Variants in REXO5 observed in about 807,000 individuals in gnomAD.
The protein encoded by REXO5 is RNA exonuclease 5, also known as exonuclease NEF-sp.
Under a neutral mutation model 88.5 loss-of-function variants are expected in REXO5, and 48 were observed. The ratio of observed to expected loss-of-function variants is 0.54; its 90% CI spans 0.43 to 0.69. The LOEUF (loss-of-function observed/expected upper bound fraction) is 0.69, where lower values mean the gene tolerates loss of function less well. Ranked by LOEUF, REXO5 falls within the 30% of genes least tolerant of loss-of-function variation. REXO5 has a pLI of 0.00. For missense variants in REXO5, 749 were observed against 912.2 expected, an observed-to-expected ratio of 0.82 and a Z score of 2.30; for synonymous variants, 311 against 336.5, an observed-to-expected ratio of 0.92 and a Z score of 0.83.
In REXO5 at chr16:20,807,047, A is replaced by G; in HGVS notation, c.94A>G (p.Met32Val). ...TAAGCTGGTCGGGGCAGCTGAGGCG[A>G]TGAAAGCCGGTTGGGATCTCGAGGA... ...PNKLVGAAEA[M>V]KAGWDLEESQ... is the part of the protein sequence containing the mutation. Residue 32 changes from methionine (M) to valine (V), a missense_variant, in exon 2 of 20, where the codon ATG becomes GTG. By Grantham distance (21) the Met-to-Val change is conservative (BLOSUM62 1). Transcript: ENST00000261377. 6.2e-7 allele frequency: 1 copy of G among 1,604,814 alleles called. No individual in the cohort carries two copies. The highest frequency in any genetic ancestry group is 8.5e-7 in the Non-Finnish European group (1 of 1,176,496).
chr16:20,837,060 C>G (rs1315851632), intron 13 of REXO5, among the ~76,000 whole-genome samples: 1 of 152,104 alleles, frequency 6.6e-6, no homozygotes, highest in Non-Finnish European at 1.5e-5. Flanking sequence ...AATATTTTCT[C>G]CCAGTCTGGC....
At chr16:20,836,344 G>C (rs1199036995) in intron 13 of REXO5, among the ~76,000 whole-genome samples, 2 of 151,804 alleles carry the variant, frequency 1.3e-5, no homozygotes, top group African/African-American at 4.8e-5. Context: ...CCATAATTTT[G>C]CCTGTTTTAG....
chr16:20,828,452 C>G lies in REXO5; in HGVS notation c.1073C>G (p.Pro358Arg), dbSNP rs781125691. Residue 358 changes from proline to arginine, a missense_variant, in exon 11 of 20, where the codon CCA becomes CGA. Pro to Arg is a moderately radical substitution (Grantham distance 103, BLOSUM62 -2). Transcript: ENST00000261377. ...CTTTCCAGGAAGGATATACAGTGTC[C>G]AGACAGACTTGGTCATGATGCCACA... ...KVILGKDIQC[P>R]DRLGHDATED... 1 of 1,612,832 alleles carries G rather than the reference C, an allele frequency of 6.2e-7. No homozygotes were observed. The highest frequency in any genetic ancestry group is 8.5e-7 in the Non-Finnish European group (1 of 1,178,958).
At position 20,820,595 on chromosome 16, in the gene REXO5, G is replaced by A. The variant is rs1389771966; in HGVS notation, c.476-1167G>A. On this transcript the variant is annotated intron_variant, in intron 5 of 19. Coordinates refer to ENST00000261377, the MANE Select transcript of REXO5 (RefSeq NM_030941.3). ...TTTTTTTTTTTTGAGACAGAGCCTC[G>A]CTCTGTTGCCCAGGCAGGAGTGCAG... Among the ~76,000 whole-genome samples the A allele has an allele frequency of 5.9e-5, 6 of 101,430 alleles. No homozygotes were observed. In the South Asian group the frequency reaches 1.8e-3, roughly 30 times the overall value. 66.5% of individuals were successfully genotyped at this position (101,430 alleles called of 152,430 possible).
At chr16:20,829,190 A>C (rs977619732) in intron 11 of REXO5, among the ~76,000 whole-genome samples, 1 of 152,184 alleles carries the variant, frequency 6.6e-6, no homozygotes, top group East Asian at 1.9e-4. Context: ...ATGGGAATAC[A>C]CACTTTTCTG....
At chr16:20,806,898 C>A (rs999224251) in intron 1 of REXO5, 54 bp from the exon 2 acceptor site, 1 of 1,531,608 alleles carries the variant, frequency 6.5e-7, no homozygotes, top group African/African-American at 1.4e-5. Context: ...AGGCGGCACG[C>A]GGGGGAATAG....
chr16:20,846,759 G>A (rs996370930), intron 19 of REXO5, among the ~76,000 whole-genome samples: 1 of 152,152 alleles, frequency 6.6e-6, no homozygotes, highest in Non-Finnish European at 1.5e-5. Flanking sequence ...ACAGGGCCTG[G>A]TTTGCTGATT....
intron 15 of REXO5, among the ~76,000 whole-genome samples, chr16:20,840,966 A>C (rs1326717024): frequency 6.6e-6 from 1 of 152,174 alleles, no homozygotes. Flanking sequence ...ATACTCTTTC[A>C]AAAAGAGAAG....
At chr16:20,813,360 T>C in intron 3 of REXO5, 58 bp downstream of exon 3, 1 of 884,044 alleles carries the variant, frequency 1.1e-6, no homozygotes, top group Non-Finnish European at 1.7e-6. Context: ...TTTTTTTTTT[T>C]TTTTACCTCT....
intron 3 of REXO5, 66 bp downstream of exon 3, chr16:20,813,368 T>C: frequency 1.3e-6 from 1 of 788,640 alleles, no homozygotes; most frequent in Non-Finnish European, 1.9e-6. Context: ...TTTTTTTACC[T>C]CTCCCAAGCT....
In REXO5 at chr16:20,827,073, G is replaced by A. The variant is rs142899635; in HGVS notation, c.837G>A (p.Thr279=). The A allele has an allele frequency of 6.2e-6, 10 of 1,613,754 alleles. No individual in the cohort carries two copies. The highest frequency in any genetic ancestry group is 3.3e-4 in the Middle Eastern group (2 of 6,062). Residue 279 remains threonine, a synonymous_variant, in exon 9 of 20, where the codon ACG becomes ACA. Coordinates refer to ENST00000261377, the MANE Select transcript of REXO5 (RefSeq NM_030941.3). ...LDYLTSFSGI[T]KKILNPVTTK... The stretch of plus-strand genomic sequence containing the variant: ...TTAATGAAAGCTTTTCGGGAATCAC[G>A]AAGAAGATTCTTAACCCAGTGACGA...
intron 5 of REXO5, among the ~76,000 whole-genome samples, chr16:20,819,168 A>G (rs953895539): frequency 1.3e-5 from 2 of 151,808 alleles, no homozygotes; most frequent in Admixed American, 1.3e-4. Flanking sequence ...TATCTGATCT[A>G]TCATTTATGG....
intron 10 of REXO5, among the ~76,000 whole-genome samples, chr16:20,827,816 A>G (rs2152505628): frequency 1.3e-5 from 2 of 152,332 alleles, no homozygotes; most frequent in East Asian, 3.9e-4. Flanking sequence ...GAAAACCTCA[A>G]ATATTCTAGA....
chr16:20,807,466 C>A (rs1323854066), intron 2 of REXO5: 2 of 221,614 alleles, frequency 9.0e-6, no homozygotes, highest in African/African-American at 4.6e-5. Context: ...GACTGTAATC[C>A]CACCTACTTG....
At chr16:20,809,404 A>G (rs2080963229) in intron 2 of REXO5, among the ~76,000 whole-genome samples, 1 of 152,218 alleles carries the variant, frequency 6.6e-6, no homozygotes, top group Non-Finnish European at 1.5e-5. Flanking sequence ...TAGCAATAAG[A>G]TCCAGTCTAG....
intron 16 of REXO5, among the ~76,000 whole-genome samples, chr16:20,844,273 TC>T (rs776355437): frequency 6.6e-6 from 1 of 152,218 alleles, no homozygotes; most frequent in Non-Finnish European, 1.5e-5. Flanking sequence ...ACTACTTAAG[TC>T]CCCTGTGGTT....
intron 5 of REXO5, among the ~76,000 whole-genome samples, chr16:20,817,570 C>T (rs561706648): frequency 7.2e-4 from 110 of 152,236 alleles, no homozygotes; most frequent in African/African-American, 2.5e-3. Context: ...GTACCAGCCA[C>T]GGAGAGACAA....
chr16:20,847,629 C>A (rs1217353089), intron 19 of REXO5, among the ~76,000 whole-genome samples: 1 of 152,058 alleles, frequency 6.6e-6, no homozygotes, highest in Non-Finnish European at 1.5e-5. Flanking sequence ...AAAGCAGAAA[C>A]AAGTATTAGG....
chr16:20,829,288 T>C (rs1265683802), intron 11 of REXO5, among the ~76,000 whole-genome samples: 1 of 152,172 alleles, frequency 6.6e-6, no homozygotes, highest in African/African-American at 2.4e-5. Flanking sequence ...GGTGGTGTGG[T>C]GATTATTGTA....
Sources: gnomAD v4.1 joint callset for allele counts (sites outside exome capture counted in the v4.1 genomes callset) on GRCh38, gnomAD v4.1.1 for gene constraint, MANE v1.5 for transcripts, NCBI Gene and HGNC (gene_info 2026-07-23, HGNC 2026-07-21) for gene names.